The following LRP1B variants were observed in gnomAD, a reference collection of about 807,000 sequenced individuals.
LRP1B encodes the protein LDL receptor related protein 1B.
LRP1B carries 217 observed loss-of-function variants against 556.6 expected under a neutral mutation model. The observed-to-expected ratio is 0.39, with a 90% CI of 0.35 to 0.44. The LOEUF (loss-of-function observed/expected upper bound fraction) is 0.44, where lower values mean the gene tolerates loss of function less well. Ranked by LOEUF, LRP1B falls within the 20% of genes least tolerant of loss-of-function variation. The pLI is 1.00. For synonymous variants in LRP1B, 2,047 were observed against 1,865.8 expected, an observed-to-expected ratio of 1.10 and a Z score of -2.50; for missense variants, 5,053 against 5,620.8, an observed-to-expected ratio of 0.90 and a Z score of 3.23.
intron 1 of LRP1B, among the ~76,000 whole-genome samples, chr2:142,016,234 C>T (rs1459052926): frequency 3.3e-5 from 5 of 151,918 alleles, no homozygotes; most frequent in East Asian, 1.9e-4. Context: ...TTGGTAGGAG[C>T]GTAAATTAGT....
At chr2:140,511,133 T>G (rs1301079471) in intron 51 of LRP1B, among the ~76,000 whole-genome samples, 2 of 152,216 alleles carry the variant, frequency 1.3e-5, no homozygotes, top group Admixed American at 6.5e-5. Context: ...GAAAAATATT[T>G]GTTTCTAACA....
chr2:141,233,284 T>C (rs1683537663), intron 5 of LRP1B, among the ~76,000 whole-genome samples: 2 of 152,176 alleles, frequency 1.3e-5, no homozygotes, highest in Admixed American at 1.3e-4. Flanking sequence ...AGACTTTGGT[T>C]GGGTAAACAC....
intron 11 of LRP1B, among the ~76,000 whole-genome samples, chr2:141,032,088 A>G (rs1047441318): frequency 1.3e-5 from 2 of 152,086 alleles, no homozygotes; most frequent in African/African-American, 2.4e-5. Context: ...AGTAATCACT[A>G]TAAACAGTTT....
chr2:141,682,926 G>T (rs1490520946), intron 2 of LRP1B, among the ~76,000 whole-genome samples: 1 of 152,098 alleles, frequency 6.6e-6, no homozygotes, highest in African/African-American at 2.4e-5. Flanking sequence ...TCAGTGTTTG[G>T]TGCATAGCAT....
chr2:141,562,997 T>G (rs1686217151), intron 2 of LRP1B, among the ~76,000 whole-genome samples: 1 of 151,840 alleles, frequency 6.6e-6, no homozygotes, highest in African/African-American at 2.4e-5. Flanking sequence ...GTAGCAGAAA[T>G]GGAAATTGGG....
chr2:140,934,391 A>G (rs896003242), intron 20 of LRP1B, among the ~76,000 whole-genome samples: 11 of 152,166 alleles, frequency 7.2e-5, no homozygotes, highest in Admixed American at 4.6e-4. Context: ...AGACAGCAGA[A>G]TAGAAAGCAA....
At chr2:142,033,904 C>T (rs1703789084) in intron 1 of LRP1B, among the ~76,000 whole-genome samples, 1 of 151,754 alleles carries the variant, frequency 6.6e-6, no homozygotes, top group South Asian at 2.1e-4. Flanking sequence ...AATAGGCTGC[C>T]TTCACCTGAG....
intron 63 of LRP1B, among the ~76,000 whole-genome samples, chr2:140,449,120 G>A (rs754095018): frequency 3.9e-5 from 6 of 152,052 alleles, no homozygotes; most frequent in Non-Finnish European, 5.9e-5. Flanking sequence ...ACAAATAGAG[G>A]TCAGGAGCTG....
At chr2:141,531,247 A>G (rs1439458111) in intron 2 of LRP1B, among the ~76,000 whole-genome samples, 2 of 152,024 alleles carry the variant, frequency 1.3e-5, no homozygotes, top group Non-Finnish European at 2.9e-5. Context: ...TCCTAGTGCA[A>G]AAAGGACTTG....
chr2:141,308,794 C>T (rs1264305630), intron 3 of LRP1B, among the ~76,000 whole-genome samples: 4 of 152,072 alleles, frequency 2.6e-5, no homozygotes, highest in African/African-American at 9.7e-5. Flanking sequence ...TTACCATCAT[C>T]CCATATATTT....
At chr2:140,539,888 T>G (rs16844210) in intron 45 of LRP1B, among the ~76,000 whole-genome samples, 3,980 of 152,288 alleles carry the variant, frequency 0.026, 55 homozygotes, top group African/African-American at 0.035. Context: ...TCATTTGCTT[T>G]GGCATAGTCT....
chr2:140,320,910 T>TC (rs1275340570), intron 82 of LRP1B, among the ~76,000 whole-genome samples: 1 of 151,806 alleles, frequency 6.6e-6, no homozygotes, highest in Non-Finnish European at 1.5e-5. Context: ...CACAAAATTA[T>TC]CCAGGCATAG....
rs185099674 is a variant in LRP1B, at chr2:141,147,159, A to G, written c.1013+41262T>C. Among the ~76,000 whole-genome samples the G allele has an allele frequency of 2.2e-3, 335 of 152,244 alleles. 4 individuals carry two copies. The highest frequency in any genetic ancestry group is 0.017 in the Middle Eastern group (5 of 294). On this transcript the variant is annotated intron_variant, in intron 7 of 90. Transcript: ENST00000389484. ...ATTATAGCACTTTTTAGGTTGTTCC[A>G]TGTCTCACTGGGCTCTGGTAGAGAA...
intron 41 of LRP1B, among the ~76,000 whole-genome samples, chr2:140,640,078 C>A (rs1001621667): frequency 5.3e-5 from 8 of 152,076 alleles, no homozygotes; most frequent in African/African-American, 1.9e-4. Context: ...TCTCGGCTCA[C>A]TGCAAGCTCC....
chr2:142,037,497 C>G (rs528466482), intron 1 of LRP1B, among the ~76,000 whole-genome samples: 8 of 151,634 alleles, frequency 5.3e-5, no homozygotes, highest in African/African-American at 1.7e-4. Flanking sequence ...GGAGTGACAA[C>G]AAAGCCTGGA....
At chr2:142,016,105 G>A (rs529755239) in intron 1 of LRP1B, among the ~76,000 whole-genome samples, 3 of 151,056 alleles carry the variant, frequency 2.0e-5, no homozygotes, top group African/African-American at 7.3e-5. Flanking sequence ...GGTCATTAGA[G>A]AAATGCAAAT....
intron 3 of LRP1B, among the ~76,000 whole-genome samples, chr2:141,415,233 T>C (rs1334822649): frequency 6.6e-6 from 1 of 152,096 alleles, no homozygotes; most frequent in African/African-American, 2.4e-5. Flanking sequence ...CAGGATGGTC[T>C]GGATCTCTTG....
At chr2:141,594,312 G>C (rs1204331094) in intron 2 of LRP1B, among the ~76,000 whole-genome samples, 1 of 152,142 alleles carries the variant, frequency 6.6e-6, no homozygotes, top group Non-Finnish European at 1.5e-5. Context: ...CTAAGGTGCA[G>C]AAAGACCACA....
intron 1 of LRP1B, among the ~76,000 whole-genome samples, chr2:141,826,519 C>G (rs1283863890): frequency 6.6e-6 from 1 of 151,918 alleles, no homozygotes; most frequent in Non-Finnish European, 1.5e-5. Context: ...GCCACCATGC[C>G]CGGCTAACTT....
Sources: allele counts gnomAD v4.1 joint callset (sites outside exome capture counted in the v4.1 genomes callset), GRCh38; gene constraint gnomAD v4.1.1; transcripts MANE v1.5; gene names NCBI Gene and HGNC (gene_info 2026-07-23, HGNC 2026-07-21).